LRP1B: variants seen among roughly 807,000 people sequenced by gnomAD.
The protein encoded by LRP1B is LDL receptor related protein 1B.
A neutral mutation model predicts 556.6 loss-of-function variants in LRP1B; 217 were observed. The observed-to-expected ratio is 0.39, with a 90% CI of 0.35 to 0.44. The LOEUF is 0.44. LRP1B is among the 20% of genes least tolerant of loss of function. The probability of loss-of-function intolerance (pLI) is 1.00; values close to 1 mark genes in which losing one functional copy is unlikely to be tolerated. For synonymous variants in LRP1B, 2,047 were observed against 1,865.8 expected, an observed-to-expected ratio of 1.10 and a Z score of -2.50; for missense variants, 5,053 against 5,620.8, an observed-to-expected ratio of 0.90 and a Z score of 3.23.
intron 1 of LRP1B, among the ~76,000 whole-genome samples, chr2:141,819,993 G>A (rs1196140647): frequency 6.6e-6 from 1 of 152,114 alleles, no homozygotes; most frequent in Non-Finnish European, 1.5e-5. Flanking sequence ...CTAGTATTCT[G>A]TTTTATTTTC....
chr2:141,084,824 T>A (rs754088695), intron 7 of LRP1B, among the ~76,000 whole-genome samples: 1 of 152,068 alleles, frequency 6.6e-6, no homozygotes, highest in Non-Finnish European at 1.5e-5. Flanking sequence ...TAATTTTTTG[T>A]ATTTTTAGTA....
In LRP1B at chr2:141,506,072, C is replaced by A. The variant is rs113581768; in HGVS notation, c.206-25539G>T. ...AAATTCCTAATCATTTGTCATTAGA[C>A]AAACGAGAGGAGAAAACTCCCTTAG... is the stretch of plus-strand genomic sequence containing the variant. On this transcript the variant is annotated intron_variant, in intron 2 of 90. Transcript: ENST00000389484. Among the ~76,000 whole-genome samples, 874 of 152,086 alleles carry A rather than the reference C, an allele frequency of 5.7e-3. 15 individuals are homozygous for A. Among genetic ancestry groups the A allele is most frequent in the African/African-American group, 0.02 (837 of 41,528 alleles).
chr2:141,693,834 A>T (rs1208038081), intron 2 of LRP1B, among the ~76,000 whole-genome samples: 1 of 152,054 alleles, frequency 6.6e-6, no homozygotes, highest in East Asian at 1.9e-4. Context: ...TGCTGCCCCA[A>T]ATACCTATCC....
chr2:141,751,784 G>A, intron 2 of LRP1B, among the ~76,000 whole-genome samples: 1 of 150,598 alleles, frequency 6.6e-6, no homozygotes. Context: ...GTGCTAGAAA[G>A]CATCTAAGCA....
At chr2:141,001,601 C>G (rs1283487481) in intron 15 of LRP1B, among the ~76,000 whole-genome samples, 1 of 152,026 alleles carries the variant, frequency 6.6e-6, no homozygotes, top group African/African-American at 2.4e-5. Context: ...TAGTTAAAGC[C>G]TGTCCATCTT....
intron 75 of LRP1B, among the ~76,000 whole-genome samples, chr2:140,354,427 T>C (rs1475250409): frequency 6.6e-6 from 1 of 152,092 alleles, no homozygotes; most frequent in East Asian, 1.9e-4. Context: ...GATTGAAATG[T>C]AGAGTAAAGA....
chr2:140,290,473 C>T (rs1408224744), intron 84 of LRP1B, among the ~76,000 whole-genome samples: 1 of 152,020 alleles, frequency 6.6e-6, no homozygotes. Context: ...CTCCAAAATG[C>T]TGTGCTAGTC....
intron 1 of LRP1B, among the ~76,000 whole-genome samples, chr2:142,117,672 T>A (rs1707321708): frequency 6.6e-6 from 1 of 152,062 alleles, no homozygotes; most frequent in African/African-American, 2.4e-5. Context: ...TTTTCTGCTT[T>A]ATCTTGATAG....
chr2:141,756,846 A>T (rs1479659874), intron 2 of LRP1B, among the ~76,000 whole-genome samples: 2 of 152,132 alleles, frequency 1.3e-5, no homozygotes, highest in Admixed American at 6.5e-5. Context: ...AGCGTACTCT[A>T]TGATGTTTCC....
intron 1 of LRP1B, among the ~76,000 whole-genome samples, chr2:141,857,536 C>G (rs1214529514): frequency 6.6e-6 from 1 of 151,852 alleles, no homozygotes; most frequent in Admixed American, 6.6e-5. Context: ...GGGGTCTCAA[C>G]ATGTTGCCCA....
chr2:141,901,964 T>TG (rs11418167), intron 1 of LRP1B, among the ~76,000 whole-genome samples: 130,653 of 151,540 alleles, frequency 0.86, 56,495 homozygotes, highest in East Asian at 1. Context: ...TGTATCTTTC[T>TG]TCATACCTAG....
chr2:141,687,029 T>C (rs1356089305), intron 2 of LRP1B, among the ~76,000 whole-genome samples: 2 of 152,044 alleles, frequency 1.3e-5, no homozygotes, highest in African/African-American at 4.8e-5. Context: ...ATAAATTATA[T>C]ACTTTCAGGT....
At chr2:141,129,063 T>C (rs760595569) in intron 7 of LRP1B, among the ~76,000 whole-genome samples, 58 of 152,148 alleles carry the variant, frequency 3.8e-4, no homozygotes, top group Non-Finnish European at 6.5e-4. Context: ...TTTCCTAATA[T>C]ACCATTAAAG....
At chr2:141,686,687 C>T (rs919165742) in intron 2 of LRP1B, among the ~76,000 whole-genome samples, 6 of 151,960 alleles carry the variant, frequency 3.9e-5, no homozygotes, top group Non-Finnish European at 5.9e-5. Context: ...TCCTTCAAAA[C>T]TCATGTTGAA....
At chr2:141,505,265 T>C (rs1373854917) in intron 2 of LRP1B, among the ~76,000 whole-genome samples, 1 of 152,000 alleles carries the variant, frequency 6.6e-6, no homozygotes, top group Non-Finnish European at 1.5e-5. Context: ...CATTTCTTCA[T>C]ATATTCAGAG....
At chr2:141,147,780 C>A (rs556358718) in intron 7 of LRP1B, among the ~76,000 whole-genome samples, 31 of 152,100 alleles carry the variant, frequency 2.0e-4, no homozygotes, top group Non-Finnish European at 3.4e-4. Flanking sequence ...CGGTCACATA[C>A]CACATAATAA....
chr2:141,633,378 C>A (rs10198378), intron 2 of LRP1B, among the ~76,000 whole-genome samples: 40,040 of 151,648 alleles, frequency 0.26, 6,265 homozygotes, highest in East Asian at 0.6. Flanking sequence ...GTCATCACAC[C>A]CTTGAGACAG....
At chr2:141,904,322 T>C (rs907769092) in intron 1 of LRP1B, among the ~76,000 whole-genome samples, 1 of 151,726 alleles carries the variant, frequency 6.6e-6, no homozygotes, top group Admixed American at 6.6e-5. Context: ...CAGGGTGGAT[T>C]TGTAGAGATT....
At chr2:140,985,508 C>T (rs16845089) in intron 17 of LRP1B, among the ~76,000 whole-genome samples, 9,981 of 151,374 alleles carry the variant, frequency 0.066, 426 homozygotes, top group African/African-American at 0.11. Context: ...CATGTTACTA[C>T]GAGGAAACAT....
Sources: gnomAD v4.1 joint callset for allele counts (sites outside exome capture counted in the v4.1 genomes callset) on GRCh38, gnomAD v4.1.1 for gene constraint, MANE v1.5 for transcripts, NCBI Gene and HGNC (gene_info 2026-07-23, HGNC 2026-07-21) for gene names.